NKAIN3: variants seen among roughly 807,000 people sequenced by gnomAD.
NKAIN3 encodes sodium/potassium transporting ATPase interacting 3, also known as sodium/potassium-transporting ATPase subunit beta-1-interacting protein 3.
A neutral mutation model predicts 30.2 loss-of-function variants in NKAIN3; 25 were observed. That is an observed-to-expected ratio of 0.83 (90% CI 0.60 to 1.16). The LOEUF is 1.16. NKAIN3 is among the 50% of genes most tolerant of loss of function. The pLI is 0.00. For synonymous variants in NKAIN3, 91 were observed against 89.6 expected (o/e 1.02, Z -0.09); for missense variants, 225 against 254.1 (o/e 0.89, Z 0.78).
chr8:62,854,514 C>A (rs1413702352), intron 4 of NKAIN3, among the ~76,000 whole-genome samples: 1 of 152,132 alleles, frequency 6.6e-6, no homozygotes, highest in Non-Finnish European at 1.5e-5. Flanking sequence ...ACTTGGATTG[C>A]AACTCCTGCT....
intron 1 of NKAIN3, among the ~76,000 whole-genome samples, chr8:62,348,100 T>C (rs1475382967): frequency 1.3e-5 from 2 of 152,152 alleles, no homozygotes; most frequent in Non-Finnish European, 2.9e-5. Context: ...ATCTGCAGCC[T>C]TGATCCTAAT....
intron 3 of NKAIN3, among the ~76,000 whole-genome samples, chr8:62,688,026 A>G (rs1813850909): frequency 6.6e-6 from 1 of 152,226 alleles, no homozygotes; most frequent in Admixed American, 6.5e-5. Context: ...AAAGTTTTAG[A>G]GTTGGGAGGA....
At position 62,337,496 on chromosome 8, in the gene NKAIN3, A is replaced by G. The variant is rs188118154; in HGVS notation, c.54+88369A>G. Among the ~76,000 whole-genome samples the G allele has an allele frequency of 1.7e-4, 26 of 152,040 alleles. 1 individual carries two copies. In the East Asian group the frequency reaches 4.7e-3, roughly 27 times the overall value. ...TATAGGCACTCCTATAAGGAGTGTC[A>G]TGAATTTGAATATATGCCTGTGTTT... On this transcript the variant is annotated intron_variant, in intron 1 of 6. Transcript: ENST00000623646.
At chr8:62,574,937 T>G (rs1318229286) in intron 1 of NKAIN3, among the ~76,000 whole-genome samples, 1 of 151,690 alleles carries the variant, frequency 6.6e-6, no homozygotes, top group African/African-American at 2.4e-5. Context: ...GATAAAAACC[T>G]TTAAAAAAAA....
intron 1 of NKAIN3, among the ~76,000 whole-genome samples, chr8:62,277,113 C>G (rs1812988382): frequency 6.6e-6 from 1 of 152,096 alleles, no homozygotes; most frequent in East Asian, 1.9e-4. Context: ...TGTTTAAAAA[C>G]TATTTTTGAA....
At chr8:62,930,227 C>T (rs1381542579) in intron 5 of NKAIN3, among the ~76,000 whole-genome samples, 1 of 151,934 alleles carries the variant, frequency 6.6e-6, no homozygotes, top group African/African-American at 2.4e-5. Context: ...TCATCCTCCC[C>T]TCCCTCCAGC....
intron 3 of NKAIN3, among the ~76,000 whole-genome samples, chr8:62,696,286 T>C (rs1203259870): frequency 6.6e-6 from 1 of 152,210 alleles, no homozygotes; most frequent in African/African-American, 2.4e-5. Context: ...TAAGAATGAA[T>C]CTAAATCTGG....
At chr8:62,338,743 G>C (rs978143950) in intron 1 of NKAIN3, among the ~76,000 whole-genome samples, 3 of 151,994 alleles carry the variant, frequency 2.0e-5, no homozygotes, top group Non-Finnish European at 4.4e-5. Context: ...AGGGCAGGAA[G>C]GGTCCAGCAA....
At chr8:62,672,636 A>G (rs1813341174) in intron 3 of NKAIN3, among the ~76,000 whole-genome samples, 1 of 152,208 alleles carries the variant, frequency 6.6e-6, no homozygotes, top group Non-Finnish European at 1.5e-5. Flanking sequence ...GTCCTTGATC[A>G]GGCACAGGCT....
intron 1 of NKAIN3, among the ~76,000 whole-genome samples, chr8:62,366,905 G>C (rs1430938643): frequency 6.6e-6 from 1 of 151,962 alleles, no homozygotes; most frequent in African/African-American, 2.4e-5. Context: ...ACTTTTGTTT[G>C]ACTCAAGATA....
At chr8:62,916,384 G>T (rs1012701774) in intron 4 of NKAIN3, among the ~76,000 whole-genome samples, 8 of 152,172 alleles carry the variant, frequency 5.3e-5, no homozygotes, top group African/African-American at 1.9e-4. Flanking sequence ...GCAACTGCAA[G>T]AGAGAAAGAT....
At chr8:62,450,504 A>G (rs1205520150) in intron 1 of NKAIN3, among the ~76,000 whole-genome samples, 4 of 152,172 alleles carry the variant, frequency 2.6e-5, no homozygotes, top group Non-Finnish European at 5.9e-5. Flanking sequence ...CATAATTGCT[A>G]TGTGCCAGGC....
chr8:62,422,793 G>A (rs1318892101), intron 1 of NKAIN3, among the ~76,000 whole-genome samples: 1 of 152,058 alleles, frequency 6.6e-6, no homozygotes, highest in Non-Finnish European at 1.5e-5. Flanking sequence ...AGCTAAAAAG[G>A]AAATATTTGT....
intron 1 of NKAIN3, among the ~76,000 whole-genome samples, chr8:62,350,891 T>C (rs1028949268): frequency 6.6e-6 from 1 of 151,644 alleles, no homozygotes; most frequent in Non-Finnish European, 1.5e-5. Flanking sequence ...GGTTTCACCA[T>C]GTTGGACAGG....
At chr8:62,864,065 C>G (rs1820342922) in intron 4 of NKAIN3, 1 of 683,146 alleles carries the variant, frequency 1.5e-6, no homozygotes, top group Admixed American at 2.3e-5. Flanking sequence ...ATGGGCAACA[C>G]TTTCCTGGAG....
intron 3 of NKAIN3, among the ~76,000 whole-genome samples, chr8:62,684,505 G>C (rs1813736348): frequency 6.6e-6 from 1 of 152,162 alleles, no homozygotes; most frequent in Non-Finnish European, 1.5e-5. Context: ...AGGATGTAAA[G>C]CCATGCTGCT....
intron 1 of NKAIN3, among the ~76,000 whole-genome samples, chr8:62,406,330 G>A (rs1804065215): frequency 6.6e-6 from 1 of 152,112 alleles, no homozygotes; most frequent in South Asian, 2.1e-4. Flanking sequence ...TATGAACTAT[G>A]TATGTAAGCT....
intron 1 of NKAIN3, among the ~76,000 whole-genome samples, chr8:62,511,323 G>A (rs1193765100): frequency 6.6e-6 from 1 of 151,986 alleles, no homozygotes; most frequent in African/African-American, 2.4e-5. Flanking sequence ...TCACTTCACT[G>A]TACCTAGTCA....
chr8:62,708,512 A>T (rs1165785913), intron 3 of NKAIN3, among the ~76,000 whole-genome samples: 1 of 152,086 alleles, frequency 6.6e-6, no homozygotes, highest in Non-Finnish European at 1.5e-5. Flanking sequence ...TCTTGATTTG[A>T]GTCTCCAGTT....
Sources: gnomAD v4.1 joint callset for allele counts (sites outside exome capture counted in the v4.1 genomes callset) on GRCh38, gnomAD v4.1.1 for gene constraint, MANE v1.5 for transcripts, NCBI Gene and HGNC (gene_info 2026-07-23, HGNC 2026-07-21) for gene names.